LRRC38: variants seen among roughly 807,000 people sequenced by gnomAD.
LRRC38 encodes the protein leucine rich repeat containing 38.
LRRC38 carries 5 observed loss-of-function variants against 16.4 expected under a neutral mutation model. That is an observed-to-expected ratio of 0.31 (90% confidence interval 0.16 to 0.64). The LOEUF is 0.64. Ranked by LOEUF, LRRC38 falls within the 30% of genes least tolerant of loss-of-function variation. The pLI is 0.80. For missense variants in LRRC38, 341 were observed against 401.8 expected, an observed-to-expected ratio of 0.85 and a Z score of 1.29; for synonymous variants, 191 against 190.2, an observed-to-expected ratio of 1.00 and a Z score of -0.04.
chr1:13,486,005 C>T (rs1638927502), intron 1 of LRRC38, among the ~76,000 whole-genome samples: 1 of 152,132 alleles, frequency 6.6e-6, no homozygotes, highest in Non-Finnish European at 1.5e-5. Context: ...GTGGTGTAAT[C>T]TCGGCTCACT....
At chr1:13,476,206 C>T in intron 1 of LRRC38, 107 bp from the exon 2 acceptor site, 2 of 1,067,670 alleles carry the variant, frequency 1.9e-6, no homozygotes, top group Non-Finnish European at 2.7e-6. Flanking sequence ...AAGCATCCTC[C>T]CAAAAATAAA....
At chr1:13,492,673 G>C (rs1238537194) in intron 1 of LRRC38, among the ~76,000 whole-genome samples, 1 of 151,944 alleles carries the variant, frequency 6.6e-6, no homozygotes, top group Non-Finnish European at 1.5e-5. Flanking sequence ...GTGCACTCCA[G>C]CCTGGGTGAC....
At chr1:13,481,301 A>C (rs940107359) in intron 1 of LRRC38, among the ~76,000 whole-genome samples, 1 of 151,558 alleles carries the variant, frequency 6.6e-6, no homozygotes, top group Non-Finnish European at 1.5e-5. Flanking sequence ...TTTAGTAGAG[A>C]TCTACCTTGG....
At chr1:13,495,055 G>C (rs577489579) in intron 1 of LRRC38, among the ~76,000 whole-genome samples, 4 of 152,350 alleles carry the variant, frequency 2.6e-5, no homozygotes, top group African/African-American at 7.2e-5. Context: ...TGGACACAAG[G>C]GGGTGGGGAT....
intron 1 of LRRC38, among the ~76,000 whole-genome samples, chr1:13,508,523 C>G (rs767125015): frequency 2.6e-5 from 4 of 152,270 alleles, no homozygotes; most frequent in Non-Finnish European, 5.9e-5. Context: ...TGCGAATGTA[C>G]AGTATAATAT....
At chr1:13,485,115 C>G (rs372198801) in intron 1 of LRRC38, among the ~76,000 whole-genome samples, 200 of 150,908 alleles carry the variant, frequency 1.3e-3, no homozygotes, top group African/African-American at 4.6e-3. Flanking sequence ...CCGTCTCTAC[C>G]AAAAATACAA....
chr1:13,484,610 C>A (rs1463145085), intron 1 of LRRC38, among the ~76,000 whole-genome samples: 1 of 152,178 alleles, frequency 6.6e-6, no homozygotes, highest in Non-Finnish European at 1.5e-5. Flanking sequence ...CCAAATTCAC[C>A]AGCAGGTAAC....
At chr1:13,496,924 C>T (rs752256484) in intron 1 of LRRC38, among the ~76,000 whole-genome samples, 35 of 151,926 alleles carry the variant, frequency 2.3e-4, no homozygotes, top group African/African-American at 6.8e-4. Context: ...AAGGGTCTGA[C>T]GGGAGGGAGG....
rs188142865 is a variant in LRRC38 at position 13,512,094 on chromosome 1, G to T, written c.631+869C>A. 2.8e-3 allele frequency among the ~76,000 whole-genome samples: 429 copies of T among 152,324 alleles called. 2 individuals are homozygous for T. The highest frequency in any genetic ancestry group is 9.9e-3 in the African/African-American group (411 of 41,582). On this transcript the variant is annotated intron_variant, in intron 1 of 1. Coordinates refer to ENST00000376085, the MANE Select transcript of LRRC38 (RefSeq NM_001010847.2). Reference sequence around the variant, plus strand: ...CTCTGAGAGGTCACTGCGGGCACTGGTGCTCACAGGGTCACAAGTGGGAGG... The same window carrying T: ...CTCTGAGAGGTCACTGCGGGCACTGTTGCTCACAGGGTCACAAGTGGGAGG...
At chr1:13,480,710 G>A (rs548138253) in intron 1 of LRRC38, among the ~76,000 whole-genome samples, 25 of 152,052 alleles carry the variant, frequency 1.6e-4, no homozygotes, top group South Asian at 1.0e-3. Flanking sequence ...GCCTGCCACC[G>A]TGTAAGACGT....
chr1:13,483,935 G>A (rs1638899879), intron 1 of LRRC38, among the ~76,000 whole-genome samples: 2 of 150,734 alleles, frequency 1.3e-5, no homozygotes, highest in South Asian at 4.2e-4. Context: ...GGAGTGGGGA[G>A]GGGAGGAGCG....
At chr1:13,494,254 C>T (rs977589688) in intron 1 of LRRC38, among the ~76,000 whole-genome samples, 1 of 152,156 alleles carries the variant, frequency 6.6e-6, no homozygotes, top group African/African-American at 2.4e-5. Context: ...TCAGTTCCAC[C>T]CACGTTCAGC....
At chr1:13,490,514 T>C (rs761131752) in intron 1 of LRRC38, among the ~76,000 whole-genome samples, 52 of 152,116 alleles carry the variant, frequency 3.4e-4, no homozygotes, top group Non-Finnish European at 5.3e-4. Flanking sequence ...TCCCCACTGA[T>C]GTCACCATCA....
intron 1 of LRRC38, among the ~76,000 whole-genome samples, chr1:13,481,134 C>G (rs552134586): frequency 2.6e-5 from 4 of 152,134 alleles, no homozygotes; most frequent in African/African-American, 4.8e-5. Flanking sequence ...CTCCCCACCC[C>G]CTCCAACAAG....
chr1:13,513,076 G>T lies in LRRC38; in HGVS notation c.518C>A (p.Ala173Asp), dbSNP rs758339060. The part of the protein sequence containing the change: ...NLRSLSVAAL[A>D]ALPALRSLRL... ...CAGGGAGCGCAGCGCGGGCAGCGCG[G>T]CCAGGGCGGCCACGCTGAGGCTGCG... Residue 173 changes from alanine to aspartate, a missense_variant, in exon 1 of 2, where the codon GCC (alanine) becomes GAC (aspartate). Physicochemically the swap from Ala to Asp is moderately radical, Grantham distance 126. Coordinates refer to ENST00000376085, the MANE Select transcript of LRRC38 (RefSeq NM_001010847.2). 1.9e-6 allele frequency: 3 copies of T among 1,550,042 alleles called. No homozygotes were observed. Among genetic ancestry groups the T allele is most frequent in the Non-Finnish European group, 2.6e-6 (3 of 1,146,728 alleles).
chr1:13,491,628 T>C (rs1469800734), intron 1 of LRRC38, among the ~76,000 whole-genome samples: 1 of 152,184 alleles, frequency 6.6e-6, no homozygotes, highest in African/African-American at 2.4e-5. Flanking sequence ...AACTGTCCAC[T>C]TGAAAATGGC....
chr1:13,493,752 G>A (rs1055993385), intron 1 of LRRC38, among the ~76,000 whole-genome samples: 2 of 152,162 alleles, frequency 1.3e-5, no homozygotes, highest in Non-Finnish European at 2.9e-5. Flanking sequence ...GGACACAGAT[G>A]TCGTGATTTT....
At chr1:13,486,371 A>G (rs534681359) in intron 1 of LRRC38, among the ~76,000 whole-genome samples, 1 of 152,278 alleles carries the variant, frequency 6.6e-6, no homozygotes, top group African/African-American at 2.4e-5. Flanking sequence ...TTACATTTGC[A>G]AAGACCCTTT....
intron 1 of LRRC38, among the ~76,000 whole-genome samples, chr1:13,506,360 T>C (rs1639213439): frequency 6.6e-6 from 1 of 152,174 alleles, no homozygotes; most frequent in Non-Finnish European, 1.5e-5. Context: ...GTGGCCGTGC[T>C]CAGGATATGA....
Sources: gnomAD v4.1 joint callset for allele counts (sites outside exome capture counted in the v4.1 genomes callset) on GRCh38, gnomAD v4.1.1 for gene constraint, MANE v1.5 for transcripts, NCBI Gene and HGNC (gene_info 2026-07-23, HGNC 2026-07-21) for gene names.